FAM135B: variants seen among roughly 807,000 people sequenced by gnomAD.
FAM135B encodes the protein family with sequence similarity 135 member B, also known as protein FAM135B.
FAM135B carries 43 observed loss-of-function variants against 127.7 expected under a neutral mutation model. That is an observed-to-expected ratio of 0.34 (90% CI 0.26 to 0.43). The LOEUF (loss-of-function observed/expected upper bound fraction) is 0.43, where lower values mean the gene tolerates loss of function less well. FAM135B is among the 20% of genes least tolerant of loss of function. The pLI is 1.00. For synonymous variants in FAM135B, 670 were observed against 665.1 expected, an observed-to-expected ratio of 1.01 and a Z score of -0.11; for missense variants, 1,558 against 1,725.6, an observed-to-expected ratio of 0.90 and a Z score of 1.72.
intron 1 of FAM135B, among the ~76,000 whole-genome samples, chr8:138,370,321 T>C (rs1831032244): frequency 6.6e-6 from 1 of 152,184 alleles, no homozygotes; most frequent in Non-Finnish European, 1.5e-5. Flanking sequence ...TTGGAACTTG[T>C]AAACACAGAC....
chr8:138,248,697 G>A (rs544940897), intron 6 of FAM135B, among the ~76,000 whole-genome samples: 20 of 151,830 alleles, frequency 1.3e-4, no homozygotes, highest in Non-Finnish European at 2.8e-4. Context: ...GCTCCTGCCT[G>A]TAGTCCCAGC....
chr8:138,379,380 T>A (rs901552491), intron 1 of FAM135B, among the ~76,000 whole-genome samples: 71 of 148,140 alleles, frequency 4.8e-4, no homozygotes, highest in African/African-American at 1.8e-3. Flanking sequence ...TAAATGTATA[T>A]TTTTTTTTAG....
intron 2 of FAM135B, among the ~76,000 whole-genome samples, chr8:138,351,235 T>A (rs1563926231): frequency 6.6e-6 from 1 of 152,170 alleles, no homozygotes; most frequent in Non-Finnish European, 1.5e-5. Flanking sequence ...GAATGTGGCA[T>A]TATTTGGAAA....
At chr8:138,471,947 A>G (rs142964333) in intron 1 of FAM135B, among the ~76,000 whole-genome samples, 3 of 152,326 alleles carry the variant, frequency 2.0e-5, no homozygotes, top group Non-Finnish European at 4.4e-5. Context: ...GACATGGTCA[A>G]CTTGGTCACC....
chr8:138,446,684 C>T (rs532607511), intron 1 of FAM135B, among the ~76,000 whole-genome samples: 133 of 151,934 alleles, frequency 8.8e-4, no homozygotes, highest in African/African-American at 3.0e-3. Flanking sequence ...ACATGTTAGA[C>T]CTAAAACCAT....
chr8:138,447,713 C>G (rs1836263863), intron 1 of FAM135B, among the ~76,000 whole-genome samples: 1 of 151,208 alleles, frequency 6.6e-6, no homozygotes. Context: ...ATGTAAATGA[C>G]AAGTTAATGG....
intron 3 of FAM135B, among the ~76,000 whole-genome samples, chr8:138,279,989 C>A (rs1053184957): frequency 6.6e-6 from 1 of 152,086 alleles, no homozygotes; most frequent in African/African-American, 2.4e-5. Flanking sequence ...CTCATGCAAC[C>A]AATATGGGGA....
intron 9 of FAM135B, 67 bp downstream of exon 9, chr8:138,195,191 A>G: frequency 6.7e-7 from 1 of 1,496,490 alleles, no homozygotes; most frequent in Admixed American, 1.9e-5. Flanking sequence ...ACAGCAAGCA[A>G]GCAACTGCAT....
intron 7 of FAM135B, among the ~76,000 whole-genome samples, chr8:138,229,752 G>T (rs1819770337): frequency 6.6e-6 from 1 of 152,178 alleles, no homozygotes; most frequent in Admixed American, 6.5e-5. Flanking sequence ...GGCTGGGGAG[G>T]CCTCAAGAAA....
chr8:138,416,248 A>C (rs1834142032), intron 1 of FAM135B, among the ~76,000 whole-genome samples: 1 of 152,226 alleles, frequency 6.6e-6, no homozygotes, highest in Admixed American at 6.5e-5. Context: ...CAGGAGCTTA[A>C]GTCAAACAGA....
intron 7 of FAM135B, among the ~76,000 whole-genome samples, chr8:138,208,177 G>T (rs1023191776): frequency 3.3e-5 from 5 of 152,180 alleles, no homozygotes; most frequent in Non-Finnish European, 5.9e-5. Flanking sequence ...TGGCACACAG[G>T]AGAGTCCGTC....
intron 3 of FAM135B, among the ~76,000 whole-genome samples, chr8:138,307,732 TAAAAA>T (rs60272179): frequency 3.4e-4 from 45 of 131,656 alleles, no homozygotes; most frequent in Admixed American, 5.3e-4. Context: ...CCCATTGTGG[TAAAAA>T]AAAAAAAAAA....
intron 7 of FAM135B, among the ~76,000 whole-genome samples, chr8:138,210,176 T>C (rs374567632): frequency 3.3e-5 from 5 of 152,340 alleles, no homozygotes; most frequent in African/African-American, 9.6e-5. Context: ...TGTCTGTCTC[T>C]ACTTTGAAAG....
intron 1 of FAM135B, among the ~76,000 whole-genome samples, chr8:138,388,662 T>C (rs1832361102): frequency 6.6e-6 from 1 of 152,192 alleles, no homozygotes; most frequent in Non-Finnish European, 1.5e-5. Flanking sequence ...ATATACCATA[T>C]GATTCCAAAT....
chr8:138,161,258 G>T (rs1264254307), intron 12 of FAM135B, among the ~76,000 whole-genome samples: 1 of 152,030 alleles, frequency 6.6e-6, no homozygotes, highest in African/African-American at 2.4e-5. Flanking sequence ...TCAGATGGTG[G>T]GGAGCCAAAG....
chr8:138,316,319 C>A (rs188717504), intron 2 of FAM135B, among the ~76,000 whole-genome samples: 2 of 151,294 alleles, frequency 1.3e-5, no homozygotes, highest in South Asian at 2.1e-4. Context: ...ATGGTGAAAC[C>A]CCGTCTCTAC....
At chr8:138,307,285 A>G (rs1032037332) in intron 3 of FAM135B, among the ~76,000 whole-genome samples, 1 of 152,206 alleles carries the variant, frequency 6.6e-6, no homozygotes, top group Non-Finnish European at 1.5e-5. Flanking sequence ...CCATCCATGT[A>G]AGATGTGACT....
intron 7 of FAM135B, among the ~76,000 whole-genome samples, chr8:138,227,986 A>G (rs1819602333): frequency 6.6e-6 from 1 of 152,160 alleles, no homozygotes; most frequent in African/African-American, 2.4e-5. Context: ...GAATATGCAG[A>G]AGGTTGTACA....
intron 2 of FAM135B, among the ~76,000 whole-genome samples, chr8:138,357,085 A>T (rs562243668): frequency 6.6e-6 from 1 of 152,120 alleles, no homozygotes; most frequent in African/African-American, 2.4e-5. Context: ...AAAGCAAGAC[A>T]AGCAGCAAGA....
Sources: gnomAD v4.1 joint callset for allele counts (sites outside exome capture counted in the v4.1 genomes callset) on GRCh38, gnomAD v4.1.1 for gene constraint, MANE v1.5 for transcripts, NCBI Gene and HGNC (gene_info 2026-07-23, HGNC 2026-07-21) for gene names.